Variants in ZNF880 observed in about 807,000 individuals in gnomAD.
The protein encoded by ZNF880 is zinc finger protein LOC400713.
A neutral mutation model predicts 11.8 loss-of-function variants in ZNF880; 12 were observed. The ratio of observed to expected loss-of-function variants is 1.02; its 90% CI spans 0.65 to 1.65. The LOEUF (loss-of-function observed/expected upper bound fraction) is 1.65. ZNF880 is among the 40% of genes most tolerant of loss of function. The pLI is 0.00. For missense variants in ZNF880, 601 were observed against 673.9 expected, an observed-to-expected ratio of 0.89 and a Z score of 1.20; for synonymous variants, 210 against 232.4, an observed-to-expected ratio of 0.90 and a Z score of 0.88.
chr19:52,385,133 A>C lies in ZNF880; in HGVS notation c.1553A>C (p.Lys518Thr). ...ARHRQIHTGEKSYKCNECGKV... is the reference protein window; with the variant it reads ...ARHRQIHTGETSYKCNECGKV... ...CATAGGCAAATTCATACTGGAGAGA[A>C]GTCTTACAAATGCAATGAATGTGGC... The change falls in exon 4 of 4, where the codon AAG becomes ACG. Residue 518 changes from lysine (K) to threonine (T), a missense_variant. By Grantham distance (78) the Lys-to-Thr change is moderately conservative. This residue lies in a region of ZNF880 where 177 missense variants were observed against 214.5 expected (regional missense o/e 0.83). Transcript: ENST00000422689. The C allele has an allele frequency of 6.4e-7, 1 of 1,556,466 alleles. No individual in the cohort carries two copies. The highest frequency in any genetic ancestry group is 1.2e-5 in the South Asian group (1 of 84,456).
rs1020462260 is a variant in ZNF880, at chr19:52,370,193, A to T, written c.12+216A>T. The T allele has an allele frequency of 6.5e-6, 4 of 617,946 alleles. No homozygotes were observed. In the African/African-American group the frequency reaches 7.4e-5, roughly 11 times the overall value. 38.3% of individuals were successfully genotyped at this position (617,946 alleles called of 1,614,324 possible). A position where few individuals can be genotyped will look rare whatever the true frequency, so the allele number is the denominator to read the frequency against. ...GTCCCCGGTCTTTCACCACAGGGCC[A>T]TGTAGACAGCTCCTGTCGCGGAGTT... On this transcript the variant is annotated intron_variant, in intron 1 of 3. Transcript: ENST00000422689.
chr19:52,383,197 ATCTGTC>A (rs1986753449), intron 3 of ZNF880, among the ~76,000 whole-genome samples: 1 of 151,948 alleles, frequency 6.6e-6, no homozygotes, highest in Admixed American at 6.6e-5. Flanking sequence ...TTATTTAGTT[ATCTGTC>A]TCTGTTATCT....
upstream of ZNF880, among the ~76,000 whole-genome samples, chr19:52,368,223 AT>A (rs58203779): frequency 0.02 from 1,339 of 68,254 alleles, 37 homozygotes; most frequent in South Asian, 0.057. Flanking sequence ...AAAAATAATA[AT>A]AATACTGTAA....
In ZNF880 at chr19:52,373,173, C is replaced by T; in HGVS notation, c.75C>T (p.Asp25=). 2 of 1,613,362 alleles carry T rather than the reference C, an allele frequency of 1.2e-6. No individual in the cohort carries two copies. The highest frequency in any genetic ancestry group is 1.1e-5 in the South Asian group (1 of 91,062). The change falls in exon 2 of 4, where the codon GAC becomes GAT. Residue 25 remains aspartate, a synonymous_variant. Transcript: ENST00000422689. ...EFPQEEWKCL[D]PAQRTLYREV... ...CTCAGGAGGAGTGGAAATGTCTGGA[C>T]CCTGCTCAGAGGACTTTATACAGGG...
At chr19:52,393,279 G>A in the ZNF880 span, among the ~76,000 whole-genome samples, 1 of 151,292 alleles carries the variant, frequency 6.6e-6, no homozygotes, top group African/African-American at 2.4e-5. Flanking sequence ...CACCAAGTTG[G>A]CCAGGCTGGT....
chr19:52,385,140 C>T lies in ZNF880; in HGVS notation c.1560C>T (p.Tyr520=). 1 of 1,556,686 alleles carries T rather than the reference C, an allele frequency of 6.4e-7. No individual in the cohort carries two copies. Among genetic ancestry groups the T allele is most frequent in the Non-Finnish European group, 8.7e-7 (1 of 1,149,994 alleles). ...AAATTCATACTGGAGAGAAGTCTTA[C>T]AAATGCAATGAATGTGGCAAGGTCT... The part of the protein sequence containing the change: ...HRQIHTGEKS[Y]KCNECGKVFS... The change falls in exon 4 of 4, where the codon TAC becomes TAT. Residue 520 remains tyrosine, a synonymous_variant. Coordinates refer to ENST00000422689, the MANE Select transcript of ZNF880 (RefSeq NM_001145434.2).
chr19:52,381,808 A>G lies in ZNF880; in HGVS notation c.269-2041A>G, dbSNP rs572201330. 4.6e-4 allele frequency among the ~76,000 whole-genome samples: 67 copies of G among 147,018 alleles called. 1 individual carries two copies. The highest frequency in any genetic ancestry group is 8.4e-4 in the Non-Finnish European group (56 of 66,442). On this transcript the variant is annotated intron_variant, in intron 3 of 3. Transcript: ENST00000422689. ...AAATACTGTGAAATTGAAACATTCT[A>G]TTTTTAAATATTAACAGTGTAACTT...
chr19:52,368,243 C>A (rs1391839956), upstream of ZNF880, among the ~76,000 whole-genome samples: 1 of 149,972 alleles, frequency 6.7e-6, no homozygotes, highest in Non-Finnish European at 1.5e-5. Flanking sequence ...AACACAATTT[C>A]TTTTTGTACT....
At chr19:52,378,742 A>C (rs1352332340) in intron 3 of ZNF880, among the ~76,000 whole-genome samples, 1 of 152,080 alleles carries the variant, frequency 6.6e-6, no homozygotes, top group Admixed American at 6.6e-5. Context: ...TTATAAGACT[A>C]AAGCCACTGC....
At position 52,384,979 on chromosome 19, in the gene ZNF880, G is replaced by A. The variant is rs751838845; in HGVS notation, c.1399G>A (p.Asp467Asn). Residue 467 changes from aspartate to asparagine, a missense_variant, in exon 4 of 4, where the codon GAT (aspartate) becomes AAT (asparagine). Physicochemically the swap from Asp to Asn is conservative, Grantham distance 23. Transcript: ENST00000422689. ...TACTGGAGAGAAACCTTACAGATGT[G>A]ATGAATGTGGCAAGGACTTCACTCG... ...FHTGEKPYRC[D>N]ECGKDFTRNS... 6.4e-7 allele frequency: 1 copy of A among 1,565,996 alleles called. No individual in the cohort carries two copies. Among genetic ancestry groups the A allele is most frequent in the Non-Finnish European group, 8.7e-7 (1 of 1,154,682 alleles).
chr19:52,391,997 G>A, the ZNF880 span, among the ~76,000 whole-genome samples: 6 of 152,268 alleles, frequency 3.9e-5, no homozygotes, highest in East Asian at 5.8e-4. Context: ...TAAAAACTGG[G>A]TGTTCTCTAA....
chr19:52,377,058 A>T (rs1986577334), intron 3 of ZNF880, among the ~76,000 whole-genome samples: 1 of 152,144 alleles, frequency 6.6e-6, no homozygotes, highest in Non-Finnish European at 1.5e-5. Context: ...TGAAGGACAT[A>T]GGGAGGGCTG....
chr19:52,378,060 A>G (rs1012123445), intron 3 of ZNF880, among the ~76,000 whole-genome samples: 2 of 152,050 alleles, frequency 1.3e-5, no homozygotes, highest in African/African-American at 4.8e-5. Context: ...TAGGGCTGAC[A>G]CTTTCATGCT....
upstream of ZNF880, chr19:52,369,851 G>C: frequency 7.3e-7 from 1 of 1,369,788 alleles, no homozygotes. Flanking sequence ...CTGGGAGCGA[G>C]GCGGAGGGAA....
At chr19:52,369,592 G>C (rs1301242744), upstream of ZNF880, among the ~76,000 whole-genome samples, 1 of 152,030 alleles carries the variant, frequency 6.6e-6, no homozygotes, top group African/African-American at 2.4e-5. Flanking sequence ...CCAGGCGGGA[G>C]TGCAGCGCAC....
At chr19:52,372,223 A>C (rs571229944) in intron 1 of ZNF880, among the ~76,000 whole-genome samples, 12 of 151,760 alleles carry the variant, frequency 7.9e-5, no homozygotes, top group African/African-American at 2.9e-4. Context: ...TGACGCTTCT[A>C]TAGAAATAAC....
chr19:52,397,330 G>T, the ZNF880 span: 1 of 152,112 alleles, frequency 6.6e-6, no homozygotes, highest in Non-Finnish European at 1.5e-5. Flanking sequence ...GCATGAAATA[G>T]AACATTCTAC....
At position 52,373,202 on chromosome 19, in the gene ZNF880, T is replaced by A; in HGVS notation, c.104T>A (p.Val35Glu). The A allele has an allele frequency of 6.2e-7, 1 of 1,613,208 alleles. No homozygotes were observed. The stretch of plus-strand genomic sequence containing the variant: ...GCTCAGAGGACTTTATACAGGGAAG[T>A]GATGGTGGAGAACTACAGGAACCTG... ...DPAQRTLYRE[V>E]MVENYRNLVF... Residue 35 changes from valine to glutamate, a missense_variant, in exon 2 of 4, where the codon GTG (valine) becomes GAG (glutamate). Around this residue, in one of 3 missense-constraint regions of ZNF880, gnomAD observed 420 missense variants for 442.6 expected, o/e 0.95. Transcript: ENST00000422689.
At chr19:52,374,832 T>C in intron 3 of ZNF880, 2 of 374,144 alleles carry the variant, frequency 5.3e-6, no homozygotes, top group Non-Finnish European at 9.8e-6. Flanking sequence ...GTCTTTGGGC[T>C]CATATGATCA....
Sources: gnomAD v4.1 joint callset for allele counts (sites outside exome capture counted in the v4.1 genomes callset) on GRCh38, gnomAD v4.1.1 for gene constraint, gnomAD v4.1.1 regional missense constraint, MANE v1.5 for transcripts, NCBI Gene and HGNC (gene_info 2026-07-23, HGNC 2026-07-21) for gene names.